FLAD1: variants seen among roughly 807,000 people sequenced by gnomAD.
FLAD1 encodes the protein bifunctional FAD diphosphatase/FAD synthase.
In FLAD1, 35 loss-of-function variants were observed where a neutral mutation model predicts 55.0. The observed-to-expected ratio is 0.64, with a 90% CI of 0.49 to 0.84. The LOEUF (loss-of-function observed/expected upper bound fraction) is 0.84. Ranked by LOEUF, FLAD1 falls within the 40% of genes least tolerant of loss-of-function variation. FLAD1 has a pLI of 0.00. For missense variants in FLAD1, 665 were observed against 742.6 expected (o/e 0.90, Z 1.21); for synonymous variants, 267 against 303.0 (o/e 0.88, Z 1.23).
Position 154,989,639 on chromosome 1 carries a change from C to G in FLAD1, c.1197C>G (p.Leu399=), listed in dbSNP as rs576674138. Residue 399 remains leucine, a synonymous_variant, in exon 3 of 7, where the codon CTC becomes CTG. Coordinates refer to ENST00000292180, the MANE Select transcript of FLAD1 (RefSeq NM_025207.5). ...TGGCTCAGTACAGCCTCACCCAGCT[C>G]TGTGTGGGCTTCAACGGGGGCAAAG... ...TSLAQYSLTQ[L]CVGFNGGKDC... 1.2e-6 allele frequency: 2 copies of G among 1,601,476 alleles called. No individual in the cohort carries two copies. Among genetic ancestry groups the G allele is most frequent in the South Asian group, 2.2e-5 (2 of 89,568 alleles).
At chr1:154,989,768 A>G (rs1187708853) in intron 3 of FLAD1, 61 bp downstream of exon 3, 21 of 1,464,136 alleles carry the variant, frequency 1.4e-5, no homozygotes, top group Non-Finnish European at 1.5e-5. Context: ...CATCCCAGAA[A>G]GCAAGGAGAA....
chr1:154,986,837 A>G (rs1362907960), intron 1 of FLAD1, among the ~76,000 whole-genome samples: 2 of 151,310 alleles, frequency 1.3e-5, no homozygotes, highest in Non-Finnish European at 2.9e-5. Flanking sequence ...GGCTCAAGCA[A>G]TCCTCCCACC....
intron 1 of FLAD1, among the ~76,000 whole-genome samples, chr1:154,985,016 C>G (rs890191271): frequency 6.9e-6 from 1 of 145,310 alleles, no homozygotes; most frequent in African/African-American, 2.6e-5. Context: ...AGGTGTTAGC[C>G]GCCACACCTG....
rs1245922831 is a variant in FLAD1, at chr1:154,988,194, T to C, written c.462T>C (p.Asp154=). The change falls in exon 2 of 7, where the codon GAT becomes GAC. Residue 154 remains aspartate (D), a synonymous_variant. Transcript: ENST00000292180. ...TTTGCCGAGTCTCAGTTGTACCTGA[T>C]GAGGTAGCCACCATTGCAGCTGAGG... is the stretch of plus-strand genomic sequence containing the variant. ...VQVCRVSVVP[D]EVATIAAEVT... is the part of the protein sequence containing the mutation. The C allele has an allele frequency of 6.2e-7, 1 of 1,614,020 alleles. No homozygotes were observed. Among genetic ancestry groups the C allele is most frequent in the Non-Finnish European group, 8.5e-7 (1 of 1,179,982 alleles).
At chr1:154,986,091 G>T (rs1356872835) in intron 1 of FLAD1, among the ~76,000 whole-genome samples, 1 of 151,364 alleles carries the variant, frequency 6.6e-6, no homozygotes, top group Non-Finnish European at 1.5e-5. Context: ...ACGCTGGAGC[G>T]CAAATGGCGC....
Position 154,988,181 on chromosome 1 carries a change from C to T in FLAD1, c.449C>T (p.Ser150Leu). The change falls in exon 2 of 7, where the codon TCA (serine) becomes TTA (leucine). Residue 150 changes from serine (S) to leucine (L), a missense_variant. Transcript: ENST00000292180. ...CTAGGGGTCCAGGTTTGCCGAGTCT[C>T]AGTTGTACCTGATGAGGTAGCCACC... Reference protein sequence around the residue: ...RSLGVQVCRVSVVPDEVATIA... With the variant: ...RSLGVQVCRVLVVPDEVATIA... 2 of 1,614,236 alleles carry T rather than the reference C, an allele frequency of 1.2e-6. No homozygotes were observed. The highest frequency in any genetic ancestry group is 8.5e-7 in the Non-Finnish European group (1 of 1,180,040).
At chr1:154,987,831 G>C (rs1427991385) in intron 1 of FLAD1, 1 of 845,552 alleles carries the variant, frequency 1.2e-6, no homozygotes, top group South Asian at 2.1e-5. Flanking sequence ...CCAGCTACTC[G>C]GAAGGCTGGG....
rs1238928937 is a variant in FLAD1, at chr1:154,992,941, C to T, written c.1668C>T (p.Asn556=). ...SLGSRENTVR[N]PALKCLSPGG... is the part of the protein sequence containing the mutation. ...GGAGTCGGGAGAATACCGTGCGGAACCCGGCCCTGAAGTGCCTGAGCCCAG... is the reference window on the plus strand; with the variant it reads ...GGAGTCGGGAGAATACCGTGCGGAATCCGGCCCTGAAGTGCCTGAGCCCAG... Residue 556 remains asparagine, a synonymous_variant, in exon 7 of 7, where the codon AAC becomes AAT. Coordinates refer to ENST00000292180, the MANE Select transcript of FLAD1 (RefSeq NM_025207.5). The T allele has an allele frequency of 2.5e-6, 4 of 1,613,946 alleles. No homozygotes were observed. In the East Asian group the frequency reaches 6.7e-5, roughly 27 times the overall value.
At chr1:154,992,174 G>A (rs1449693149) in intron 5 of FLAD1, among the ~76,000 whole-genome samples, 9 of 145,962 alleles carry the variant, frequency 6.2e-5, no homozygotes, top group Non-Finnish European at 1.0e-4. Flanking sequence ...GCCGGGCATG[G>A]TGGCACACGC....
Position 154,984,054 on chromosome 1 carries a change from T to C in FLAD1, c.360T>C (p.Asp120=). Residue 120 remains aspartate, a synonymous_variant, in exon 1 of 7, where the codon GAT becomes GAC. Coordinates refer to ENST00000292180, the MANE Select transcript of FLAD1 (RefSeq NM_025207.5). ...SVTAGIIIVG[D]EILKGHTQDT... is the part of the protein sequence containing the mutation. ...CGGCTGGCATCATCATTGTTGGAGA[T>C]GAGATCCTTAAGGTGTGTCTGGGAC... is the stretch of plus-strand genomic sequence containing the variant. 1.3e-6 allele frequency: 2 copies of C among 1,507,366 alleles called. No individual in the cohort carries two copies. Among genetic ancestry groups the C allele is most frequent in the Non-Finnish European group, 1.8e-6 (2 of 1,126,450 alleles). 93.4% of individuals were successfully genotyped at this position (1,507,366 alleles called of 1,614,324 possible). A position where few individuals can be genotyped will look rare whatever the true frequency, so the allele number is the denominator to read the frequency against.
chr1:154,985,467 A>G (rs1657542432), intron 1 of FLAD1, among the ~76,000 whole-genome samples: 1 of 149,100 alleles, frequency 6.7e-6, no homozygotes, highest in Non-Finnish European at 1.5e-5. Context: ...GGCGTGATCA[A>G]TTTTGGCTCA....
At chr1:154,990,082 C>A in intron 3 of FLAD1, 77 bp from the exon 4 acceptor site, 1 of 1,204,414 alleles carries the variant, frequency 8.3e-7, no homozygotes, top group Non-Finnish European at 1.2e-6. Context: ...TAGGGGCCAA[C>A]GAGAACAGTG....
chr1:154,991,871 G>A (rs1282002586), intron 5 of FLAD1, among the ~76,000 whole-genome samples: 7 of 151,008 alleles, frequency 4.6e-5, no homozygotes, highest in African/African-American at 1.5e-4. Flanking sequence ...GGCTGGGCAC[G>A]GTGGCACACG....
At chr1:154,985,631 TC>T (rs1182702618) in intron 1 of FLAD1, among the ~76,000 whole-genome samples, 1 of 151,136 alleles carries the variant, frequency 6.6e-6, no homozygotes, top group Non-Finnish European at 1.5e-5. Context: ...GGTCTCGAAC[TC>T]CTGACCTCAA....
At chr1:154,984,597 A>C (rs1270668941) in intron 1 of FLAD1, among the ~76,000 whole-genome samples, 1 of 151,632 alleles carries the variant, frequency 6.6e-6, no homozygotes, top group Non-Finnish European at 1.5e-5. Context: ...AATCCCAGCT[A>C]CTTGGCAGGC....
At position 154,984,057 on chromosome 1, in the gene FLAD1, G is replaced by C; in HGVS notation, c.363G>C (p.Glu121Asp). ...VTAGIIIVGD[E>D]ILKGHTQDTN... ...CTGGCATCATCATTGTTGGAGATGA[G>C]ATCCTTAAGGTGTGTCTGGGACAGA... Residue 121 changes from glutamate (E) to aspartate (D), a missense_variant, in exon 1 of 7, where the codon GAG becomes GAC. Glu to Asp is a conservative substitution (Grantham distance 45, BLOSUM62 2). Coordinates refer to ENST00000292180, the MANE Select transcript of FLAD1 (RefSeq NM_025207.5). 3 of 1,509,460 alleles carry C rather than the reference G, an allele frequency of 2.0e-6. No homozygotes were observed. The highest frequency in any genetic ancestry group is 1.4e-5 in the South Asian group (1 of 73,870). 93.5% of individuals were successfully genotyped at this position (1,509,460 alleles called of 1,614,324 possible). A position where few individuals can be genotyped will look rare whatever the true frequency, so the allele number is the denominator to read the frequency against.
At chr1:154,992,876 C>T (rs1657943226) in intron 6 of FLAD1, 26 bp from the exon 7 acceptor site, 4 of 1,613,850 alleles carry the variant, frequency 2.5e-6, no homozygotes, top group Middle Eastern at 1.6e-4. Flanking sequence ...CTACCACATG[C>T]TTGCCCTCCA....
In FLAD1 at chr1:154,988,788, C is replaced by G; in HGVS notation, c.1056C>G (p.Val352=). The change falls in exon 2 of 7, where the codon GTC becomes GTG. Residue 352 remains valine (V), a synonymous_variant. Coordinates refer to ENST00000292180, the MANE Select transcript of FLAD1 (RefSeq NM_025207.5). ...CCCGTTTGCCCCAGGGATCGCTGGT[C>G]CCCTACATGCCCAACGCTGTGGAGC... ...LTARLPQGSL[V]PYMPNAVEQA... 1 of 1,614,200 alleles carries G rather than the reference C, an allele frequency of 6.2e-7. No individual in the cohort carries two copies. The highest frequency in any genetic ancestry group is 8.5e-7 in the Non-Finnish European group (1 of 1,180,030).
chr1:154,990,705 C>T, intron 5 of FLAD1, 177 bp downstream of exon 5: 1 of 572,786 alleles, frequency 1.7e-6, no homozygotes. Context: ...TTATTGAGCC[C>T]AAATTCAATA....
Sources: allele counts gnomAD v4.1 joint callset (sites outside exome capture counted in the v4.1 genomes callset), GRCh38; gene constraint gnomAD v4.1.1; transcripts MANE v1.5; gene names NCBI Gene and HGNC (gene_info 2026-07-23, HGNC 2026-07-21).